Variants in FAM229B observed in about 807,000 individuals in gnomAD.
The protein encoded by FAM229B is protein FAM229B.
Under a neutral mutation model 6.7 loss-of-function variants are expected in FAM229B, and 2 were observed. That is an observed-to-expected ratio of 0.30 (90% confidence interval 0.12 to 0.94). FAM229B has a LOEUF of 0.94. Ranked by LOEUF, FAM229B falls within the 40% of genes least tolerant of loss-of-function variation. The pLI is 0.54. For synonymous variants in FAM229B, 29 were observed against 34.0 expected (o/e 0.85, Z 0.51); for missense variants, 93 against 96.2 (o/e 0.97, Z 0.14).
chr6:112,091,350 CTA>C (rs1327429596), intron 1 of FAM229B, among the ~76,000 whole-genome samples: 1 of 152,032 alleles, frequency 6.6e-6, no homozygotes, highest in African/African-American at 2.4e-5. Context: ...TTCATGGAAA[CTA>C]TGTAAGACTG....
At chr6:112,099,975 A>G (rs1194851970) in intron 3 of FAM229B, among the ~76,000 whole-genome samples, 1 of 152,214 alleles carries the variant, frequency 6.6e-6, no homozygotes, top group African/African-American at 2.4e-5. Context: ...AACCTTAAAT[A>G]CTACATTGTT....
At chr6:112,099,777 T>C (rs1415968917) in intron 3 of FAM229B, among the ~76,000 whole-genome samples, 1 of 152,244 alleles carries the variant, frequency 6.6e-6, no homozygotes, top group African/African-American at 2.4e-5. Context: ...GGCACTGTGC[T>C]AGGCATAAGG....
intron 1 of FAM229B, among the ~76,000 whole-genome samples, chr6:112,096,488 A>C (rs781869100): frequency 2.0e-5 from 3 of 152,094 alleles, no homozygotes; most frequent in Non-Finnish European, 4.4e-5. Context: ...CAGGTGAGGC[A>C]GAGCTTGCAG....
Position 112,100,424 on chromosome 6 carries a change from G to A in FAM229B, c.126-246G>A, listed in dbSNP as rs1039964391. Among the ~76,000 whole-genome samples the A allele has an allele frequency of 5.1e-4, 77 of 152,024 alleles. 3 individuals are homozygous for A. Among genetic ancestry groups the A allele is most frequent in the East Asian group, 1.9e-4 (1 of 5,198 alleles). ...TGCATACCTTTCAAAATCAACATCCGGAGGATTATCTTTGAATATATGAAT... is the reference window on the plus strand; with the variant it reads ...TGCATACCTTTCAAAATCAACATCCAGAGGATTATCTTTGAATATATGAAT... On this transcript the variant is annotated intron_variant, in intron 3 of 3. Coordinates refer to ENST00000368656, the MANE Select transcript of FAM229B (RefSeq NM_001033564.3).
At chr6:112,090,643 T>C (rs1777245994) in intron 1 of FAM229B, among the ~76,000 whole-genome samples, 1 of 152,138 alleles carries the variant, frequency 6.6e-6, no homozygotes, top group East Asian at 1.9e-4. Flanking sequence ...TTGAGGGGTG[T>C]CTGGGGGCTA....
At chr6:112,098,966 A>T (rs1473566019) in intron 2 of FAM229B, among the ~76,000 whole-genome samples, 6 of 152,198 alleles carry the variant, frequency 3.9e-5, no homozygotes, top group African/African-American at 1.4e-4. Flanking sequence ...TAACATTCAG[A>T]ATGTTTCTGT....
rs2010315 is a variant in FAM229B at position 112,101,444 on chromosome 6, T to C, written c.*657T>C. ...CGATTTTTCCAAGAAAAATGACGTC[T>C]GGTTATCACTTTGTACACGAAGTGC... On this transcript the variant is annotated 3_prime_UTR_variant, in exon 4 of 4. Transcript: ENST00000368656. 45,405 of 152,178 alleles carry C rather than the reference T, an allele frequency of 0.3. 7,149 individuals are homozygous for C. Among genetic ancestry groups the C allele is most frequent in the African/African-American group, 0.41 (17,000 of 41,506 alleles). 9.4% of individuals were successfully genotyped at this position (152,178 alleles called of 1,614,324 possible).
At position 112,098,784 on chromosome 6, in the gene FAM229B, A is replaced by T. The variant is rs114290324; in HGVS notation, c.-14-486A>T. Among the ~76,000 whole-genome samples the T allele has an allele frequency of 1.8e-3, 274 of 152,352 alleles. 4 individuals carry two copies. The highest frequency in any genetic ancestry group is 6.4e-3 in the African/African-American group (268 of 41,576). The stretch of plus-strand genomic sequence containing the variant: ...TTGCAACAACCATTTAAAGGCATAC[A>T]GAATTTTGTTTTCACACGGCAGAAA... On this transcript the variant is annotated intron_variant, in intron 2 of 3. Coordinates refer to ENST00000368656, the MANE Select transcript of FAM229B (RefSeq NM_001033564.3).
intron 1 of FAM229B, among the ~76,000 whole-genome samples, chr6:112,091,775 A>G (rs1554318202): frequency 2.6e-5 from 4 of 152,030 alleles, no homozygotes; most frequent in African/African-American, 9.7e-5. Context: ...GGCACAAATG[A>G]AAGAATTAGT....
chr6:112,099,681 C>T (rs963155286), intron 3 of FAM229B, among the ~76,000 whole-genome samples: 1 of 152,284 alleles, frequency 6.6e-6, no homozygotes, highest in South Asian at 2.1e-4. Flanking sequence ...TACCTTTGCA[C>T]CAACCTAATA....
rs1554319208 is a variant in FAM229B, at chr6:112,100,808, A to C, written c.*21A>C. 1.2e-5 allele frequency: 19 copies of C among 1,539,694 alleles called. No homozygotes were observed. The highest frequency in any genetic ancestry group is 1.7e-5 in the Non-Finnish European group (19 of 1,112,402). ...AATAGCACCATTAAGTCTTTTGTCA[A>C]GGTCTGACTAGGTCAAGGGTAATGG... On this transcript the variant is annotated 3_prime_UTR_variant, in exon 4 of 4. Coordinates refer to ENST00000368656, the MANE Select transcript of FAM229B (RefSeq NM_001033564.3).
intron 2 of FAM229B, among the ~76,000 whole-genome samples, chr6:112,098,021 A>G (rs1777349582): frequency 6.6e-6 from 1 of 152,198 alleles, no homozygotes; most frequent in Non-Finnish European, 1.5e-5. Flanking sequence ...TACTCTTTGC[A>G]TCCAGTGGGT....
intron 2 of FAM229B, among the ~76,000 whole-genome samples, chr6:112,097,419 C>G (rs1777341228): frequency 1.3e-5 from 2 of 152,176 alleles, no homozygotes; most frequent in African/African-American, 4.8e-5. Context: ...CACTTTTAGG[C>G]ATAGAATACT....
rs1354474331 is a variant in FAM229B, at chr6:112,102,103, AT to A, written c.*1318del. On this transcript the variant is annotated 3_prime_UTR_variant, in exon 4 of 4. Transcript: ENST00000368656. ...TTTATCTGCCAAATAAAAATAGAAC[AT>A]TCCTTAAAGGAAGAAAACAAAATCG... 3.3e-5 allele frequency: 5 copies of A among 152,248 alleles called. No homozygotes were observed. The highest frequency in any genetic ancestry group is 1.5e-5 in the Non-Finnish European group (1 of 68,044). 9.4% of individuals were successfully genotyped at this position (152,248 alleles called of 1,614,324 possible). A position where few individuals can be genotyped will look rare whatever the true frequency, so the allele number is the denominator to read the frequency against.
chr6:112,097,565 A>C (rs1020214238), intron 2 of FAM229B, among the ~76,000 whole-genome samples: 4 of 152,126 alleles, frequency 2.6e-5, no homozygotes, highest in South Asian at 2.1e-4. Context: ...TAATAGCTGA[A>C]AACATTGTGT....
At chr6:112,088,551 A>G (rs1777211008) in intron 1 of FAM229B, among the ~76,000 whole-genome samples, 1 of 152,176 alleles carries the variant, frequency 6.6e-6, no homozygotes, top group Non-Finnish European at 1.5e-5. Flanking sequence ...AGAACACTTT[A>G]TTGTCCCACC....
chr6:112,090,866 C>T (rs1170787046), intron 1 of FAM229B, among the ~76,000 whole-genome samples: 2 of 152,080 alleles, frequency 1.3e-5, no homozygotes, highest in African/African-American at 4.8e-5. Context: ...GTGATGAGAA[C>T]ATTTAAAATC....
At chr6:112,095,683 A>C (rs1224291945) in intron 1 of FAM229B, among the ~76,000 whole-genome samples, 3 of 148,178 alleles carry the variant, frequency 2.0e-5, no homozygotes, top group African/African-American at 7.7e-5. Context: ...AAAAAGAAAA[A>C]AAAAAACCTC....
rs61746601 is a variant in FAM229B at position 112,100,677 on chromosome 6, C to T, written c.133C>T (p.Arg45Trp). ...GKEMSPTRQL[R>W]RCPGSHCLTI... ...ATCTGCTTTTTTATTCAGGCAACTCCGGAGGTGCCCTGGAAGTCATTGCCT... is the reference window on the plus strand; with the variant it reads ...ATCTGCTTTTTTATTCAGGCAACTCTGGAGGTGCCCTGGAAGTCATTGCCT... Residue 45 changes from arginine to tryptophan, a missense_variant, in exon 4 of 4, where the codon CGG (arginine) becomes TGG (tryptophan). Coordinates refer to ENST00000368656, the MANE Select transcript of FAM229B (RefSeq NM_001033564.3). The T allele has an allele frequency of 2.2e-5, 36 of 1,613,302 alleles. No homozygotes were observed. The highest frequency in any genetic ancestry group is 2.8e-5 in the Non-Finnish European group (33 of 1,179,396).
Sources: gnomAD v4.1 joint callset for allele counts (sites outside exome capture counted in the v4.1 genomes callset) on GRCh38, gnomAD v4.1.1 for gene constraint, MANE v1.5 for transcripts, NCBI Gene and HGNC (gene_info 2026-07-23, HGNC 2026-07-21) for gene names.